The following ADGRL2 variants were observed in gnomAD, a reference collection of about 807,000 sequenced individuals.
ADGRL2 encodes the protein calcium-independent alpha-latrotoxin receptor 2.
ADGRL2 carries 44 observed loss-of-function variants against 157.4 expected under a neutral mutation model. That is an observed-to-expected ratio of 0.28 (90% CI 0.22 to 0.36). The LOEUF (loss-of-function observed/expected upper bound fraction) is 0.36, where lower values mean the gene tolerates loss of function less well. Among genes scored for constraint, ADGRL2 ranks in the 10% least tolerant of loss-of-function variants. The pLI is 1.00. For missense variants in ADGRL2, 1,510 were observed against 1,768.9 expected, an observed-to-expected ratio of 0.85 and a Z score of 2.63; for synonymous variants, 585 against 624.7, an observed-to-expected ratio of 0.94 and a Z score of 0.95.
chr1:81,505,667 T>C (rs1413879739), intron 2 of ADGRL2, among the ~76,000 whole-genome samples: 2 of 145,502 alleles, frequency 1.4e-5, no homozygotes, highest in African/African-American at 5.2e-5. Context: ...ATCTTATATG[T>C]ATTCTAACCA....
chr1:81,321,270 G>A (rs972983199), intron 1 of ADGRL2, among the ~76,000 whole-genome samples: 3 of 152,130 alleles, frequency 2.0e-5, no homozygotes, highest in Non-Finnish European at 2.9e-5. Flanking sequence ...CTATCCCGAC[G>A]ACTAAAACTA....
At chr1:81,371,932 A>G (rs2076167571) in intron 1 of ADGRL2, among the ~76,000 whole-genome samples, 1 of 152,232 alleles carries the variant, frequency 6.6e-6, no homozygotes, top group Non-Finnish European at 1.5e-5. Flanking sequence ...TAAACAAAGA[A>G]AAAAGGAATA....
At chr1:81,336,293 T>G (rs1661640090) in intron 1 of ADGRL2, among the ~76,000 whole-genome samples, 1 of 152,216 alleles carries the variant, frequency 6.6e-6, no homozygotes, top group Non-Finnish European at 1.5e-5. Context: ...TGAATGCGAC[T>G]GATTGTGATA....
In ADGRL2 at chr1:81,315,745, A is replaced by C. The variant is rs369552448; in HGVS notation, c.-302+9236A>C. ...TATTAGAATAGATAAGTTCAAAATA[A>C]ATGTAGCTAGTGATCGGCAATTAGT... On this transcript the variant is annotated intron_variant, in intron 1 of 24. Transcript: ENST00000370721. 2.6e-4 allele frequency among the ~76,000 whole-genome samples: 39 copies of C among 148,256 alleles called. No homozygotes were observed. In the East Asian group the frequency reaches 4.9e-3, roughly 19 times the overall value.
chr1:81,447,108 G>A lies in ADGRL2; in HGVS notation c.-248+2019G>A, dbSNP rs977587148. Among the ~76,000 whole-genome samples the A allele has an allele frequency of 5.9e-5, 9 of 152,000 alleles. No individual in the cohort carries two copies. The East Asian group carries it at 1.2e-3, about 20-fold the overall frequency. ...ATTAAAATCATTTAAAGGGGCAAACGTTGGCAAAGTAGAAGTGATATTGTG... is the reference window on the plus strand; with the variant it reads ...ATTAAAATCATTTAAAGGGGCAAACATTGGCAAAGTAGAAGTGATATTGTG... On this transcript the variant is annotated intron_variant, in intron 2 of 24. Transcript: ENST00000370721.
Position 81,893,947 on chromosome 1 carries a change from G to A in ADGRL2, c.74-13070G>A, listed in dbSNP as rs376364094. Among the ~76,000 whole-genome samples, 7 of 152,170 alleles carry A rather than the reference G, an allele frequency of 4.6e-5. No homozygotes were observed. The East Asian group carries it at 7.7e-4, about 17-fold the overall frequency. On this transcript the variant is annotated intron_variant, in intron 2 of 23. Coordinates refer to ENST00000686636, the MANE Select transcript of ADGRL2 (RefSeq NM_001366006.2). ...AAATGGTAACACTGAAACCAACCAC[G>A]AAATCAAAGTCATTACATTGTCATT...
intron 3 of ADGRL2, among the ~76,000 whole-genome samples, chr1:81,690,419 C>T (rs547293753): frequency 6.6e-6 from 1 of 152,252 alleles, no homozygotes; most frequent in African/African-American, 2.4e-5. Context: ...TCACTTGAAC[C>T]CCGGAGGTGG....
chr1:81,928,054 T>C (rs2095148698), intron 3 of ADGRL2, among the ~76,000 whole-genome samples: 1 of 152,104 alleles, frequency 6.6e-6, no homozygotes, highest in Admixed American at 6.6e-5. Context: ...CACTTGATTA[T>C]TTTGCCTGAG....
intron 1 of ADGRL2, among the ~76,000 whole-genome samples, chr1:81,803,105 G>A (rs2088541714): frequency 6.6e-6 from 1 of 152,142 alleles, no homozygotes; most frequent in South Asian, 2.1e-4. Context: ...TGGCTGTGGG[G>A]CAGGGAGCCT....
rs74098509 is a variant in ADGRL2 at position 81,918,340 on chromosome 1, A to G, written c.287+11110A>G. 4.2e-3 allele frequency among the ~76,000 whole-genome samples: 647 copies of G among 152,272 alleles called. 5 individuals are homozygous for G. The highest frequency in any genetic ancestry group is 0.015 in the African/African-American group (622 of 41,574). On this transcript the variant is annotated intron_variant, in intron 3 of 23. Coordinates refer to ENST00000686636, the MANE Select transcript of ADGRL2 (RefSeq NM_001366006.2). ...GTAGTGGAAGAGAGATAATGTTTGT[A>G]GTGTATGGAGCCAGAAGCTAGTCTA...
chr1:81,324,567 A>C (rs1305727200), intron 1 of ADGRL2, among the ~76,000 whole-genome samples: 1 of 149,592 alleles, frequency 6.7e-6, no homozygotes, highest in African/African-American at 2.4e-5. Context: ...AAAGTTATAT[A>C]TAAATTATAT....
At chr1:81,617,576 T>C (rs1383097902) in intron 3 of ADGRL2, among the ~76,000 whole-genome samples, 1 of 152,262 alleles carries the variant, frequency 6.6e-6, no homozygotes, top group Non-Finnish European at 1.5e-5. Context: ...TTTTGAGTAC[T>C]TGCTTTCCAC....
At chr1:81,421,745 G>A (rs1340010692) in intron 1 of ADGRL2, among the ~76,000 whole-genome samples, 1 of 150,880 alleles carries the variant, frequency 6.6e-6, no homozygotes, top group African/African-American at 2.4e-5. Context: ...TGATAAAAAA[G>A]CAAATGGAAA....
At chr1:81,864,604 A>G (rs764759065) in intron 2 of ADGRL2, among the ~76,000 whole-genome samples, 2 of 152,188 alleles carry the variant, frequency 1.3e-5, no homozygotes, top group South Asian at 2.1e-4. Flanking sequence ...TATATTTACA[A>G]TGAAGTTGGA....
At chr1:81,415,843 C>CT (rs35114762) in intron 1 of ADGRL2, among the ~76,000 whole-genome samples, 8,029 of 137,804 alleles carry the variant, frequency 0.058, 313 homozygotes, top group Middle Eastern at 0.12. Flanking sequence ...TCTCCTTTTC[C>CT]TTTTTTTTTT....
At chr1:81,314,036 A>G (rs904212034) in intron 1 of ADGRL2, among the ~76,000 whole-genome samples, 1 of 152,224 alleles carries the variant, frequency 6.6e-6, no homozygotes, top group East Asian at 1.9e-4. Flanking sequence ...AAAGATAAAC[A>G]TGTATTAGGC....
At chr1:81,393,468 G>C (rs944203317) in intron 1 of ADGRL2, among the ~76,000 whole-genome samples, 1 of 152,036 alleles carries the variant, frequency 6.6e-6, no homozygotes, top group Admixed American at 6.6e-5. Context: ...ACAGCTAACA[G>C]TTCCTGCTCT....
intron 2 of ADGRL2, among the ~76,000 whole-genome samples, chr1:81,497,806 G>T (rs2078761742): frequency 6.6e-6 from 1 of 152,142 alleles, no homozygotes; most frequent in South Asian, 2.1e-4. Context: ...TTATTAACTG[G>T]TCTATTTTTG....
intron 2 of ADGRL2, among the ~76,000 whole-genome samples, chr1:81,899,817 G>A (rs1303964659): frequency 6.6e-6 from 1 of 152,162 alleles, no homozygotes; most frequent in South Asian, 2.1e-4. Flanking sequence ...ATTTCTTTAT[G>A]TTGATTATGT....
Sources: gnomAD v4.1 joint callset for allele counts (sites outside exome capture counted in the v4.1 genomes callset) on GRCh38, gnomAD v4.1.1 for gene constraint, MANE v1.5 for transcripts, NCBI Gene and HGNC (gene_info 2026-07-23, HGNC 2026-07-21) for gene names.